The following NRG3 variants were observed in gnomAD, a reference collection of about 807,000 sequenced individuals.
The protein encoded by NRG3 is pro-neuregulin-3, membrane-bound isoform.
A neutral mutation model predicts 66.9 loss-of-function variants in NRG3; 31 were observed. That is an observed-to-expected ratio of 0.46 (90% CI 0.35 to 0.63). The LOEUF (loss-of-function observed/expected upper bound fraction) is 0.63. NRG3 is among the 20% of genes least tolerant of loss of function. NRG3 has a pLI of 0.00. For synonymous variants in NRG3, 393 were observed against 359.4 expected, an observed-to-expected ratio of 1.09 and a Z score of -1.06; for missense variants, 910 against 878.9, an observed-to-expected ratio of 1.04 and a Z score of -0.45.
At chr10:82,549,358 A>G (rs1006105978) in intron 2 of NRG3, among the ~76,000 whole-genome samples, 1 of 152,162 alleles carries the variant, frequency 6.6e-6, no homozygotes, top group African/African-American at 2.4e-5. Flanking sequence ...CCATACTTAC[A>G]GAGTTGAAGT....
chr10:82,153,200 C>T (rs1204539839), intron 1 of NRG3, among the ~76,000 whole-genome samples: 1 of 151,996 alleles, frequency 6.6e-6, no homozygotes, highest in African/African-American at 2.4e-5. Context: ...AACATTGCAC[C>T]TTTCCCCATT....
At chr10:81,882,548 C>A (rs1397981325) in intron 1 of NRG3, among the ~76,000 whole-genome samples, 1 of 152,104 alleles carries the variant, frequency 6.6e-6, no homozygotes, top group Non-Finnish European at 1.5e-5. Context: ...AGTTTAACTT[C>A]CTCCCCTGGT....
intron 3 of NRG3, among the ~76,000 whole-genome samples, chr10:82,764,807 T>A (rs1277279004): frequency 6.6e-6 from 1 of 152,128 alleles, no homozygotes; most frequent in African/African-American, 2.4e-5. Flanking sequence ...ACTGTATGAT[T>A]AAAACTATGA....
At chr10:82,542,334 AAAG>A (rs1400135539) in intron 2 of NRG3, among the ~76,000 whole-genome samples, 1 of 152,248 alleles carries the variant, frequency 6.6e-6, no homozygotes, top group East Asian at 1.9e-4. Context: ...GTCAAAAAGA[AAAG>A]AAATGATCAA....
chr10:82,105,578 T>G (rs2067008679), intron 1 of NRG3, among the ~76,000 whole-genome samples: 1 of 152,062 alleles, frequency 6.6e-6, no homozygotes, highest in Non-Finnish European at 1.5e-5. Context: ...TTGTTATTTG[T>G]ATTGTGTTTG....
intron 1 of NRG3, among the ~76,000 whole-genome samples, chr10:82,105,887 C>T (rs2067029922): frequency 2.0e-5 from 3 of 152,184 alleles, no homozygotes; most frequent in Non-Finnish European, 4.4e-5. Flanking sequence ...AAATCCAAGA[C>T]ACACTGCTCG....
chr10:82,933,762 GA>G (rs2132188266), intron 4 of NRG3, among the ~76,000 whole-genome samples: 1 of 152,236 alleles, frequency 6.6e-6, no homozygotes, highest in Non-Finnish European at 1.5e-5. Context: ...TTTTGTGTTG[GA>G]AAGGAGATAT....
At chr10:82,642,505 C>G (rs1011897505) in intron 2 of NRG3, among the ~76,000 whole-genome samples, 7 of 151,766 alleles carry the variant, frequency 4.6e-5, no homozygotes, top group Non-Finnish European at 8.8e-5. Flanking sequence ...GGTCAAACTT[C>G]TAGATCCAAC....
At chr10:82,959,648 G>A (rs1308907743) in intron 6 of NRG3, among the ~76,000 whole-genome samples, 2 of 152,158 alleles carry the variant, frequency 1.3e-5, no homozygotes, top group Non-Finnish European at 1.5e-5. Flanking sequence ...GAACATGCAG[G>A]AAGAATAAAG....
intron 2 of NRG3, among the ~76,000 whole-genome samples, chr10:82,478,219 G>A (rs1477721306): frequency 7.7e-6 from 1 of 129,288 alleles, no homozygotes; most frequent in Non-Finnish European, 1.7e-5. Flanking sequence ...CTGAGTGTTG[G>A]CTTGTGTCAC....
intron 2 of NRG3, among the ~76,000 whole-genome samples, chr10:82,723,406 ATC>A (rs760098913): frequency 6.6e-6 from 1 of 152,228 alleles, no homozygotes; most frequent in African/African-American, 2.4e-5. Context: ...GAACCCCAGA[ATC>A]TCAGCATCAT....
intron 3 of NRG3, among the ~76,000 whole-genome samples, chr10:82,744,169 A>G (rs1481077542): frequency 6.6e-6 from 1 of 152,200 alleles, no homozygotes; most frequent in Non-Finnish European, 1.5e-5. Flanking sequence ...TCACTCATTC[A>G]TTCATTTCCC....
intron 3 of NRG3, among the ~76,000 whole-genome samples, chr10:82,749,013 T>C (rs2058753319): frequency 1.3e-5 from 2 of 152,156 alleles, no homozygotes; most frequent in African/African-American, 4.8e-5. Context: ...TTATTTTTGA[T>C]GCAACTTTTC....
At chr10:82,700,829 G>A (rs1027347263) in intron 2 of NRG3, among the ~76,000 whole-genome samples, 1 of 152,008 alleles carries the variant, frequency 6.6e-6, no homozygotes, top group Non-Finnish European at 1.5e-5. Context: ...TAAATAATTG[G>A]CCAATTAAAT....
At chr10:82,556,267 C>T (rs1332590937) in intron 2 of NRG3, among the ~76,000 whole-genome samples, 1 of 152,120 alleles carries the variant, frequency 6.6e-6, no homozygotes, top group Non-Finnish European at 1.5e-5. Flanking sequence ...TTCTACTGCC[C>T]TCTCCTATGT....
chr10:82,495,397 T>A (rs559654543), intron 2 of NRG3, among the ~76,000 whole-genome samples: 1 of 152,294 alleles, frequency 6.6e-6, no homozygotes, highest in Non-Finnish European at 1.5e-5. Flanking sequence ...GATCTTACAG[T>A]TCAGCAAACA....
chr10:82,325,450 A>G (rs1017046985), intron 1 of NRG3, among the ~76,000 whole-genome samples: 10 of 152,046 alleles, frequency 6.6e-5, no homozygotes, highest in African/African-American at 2.2e-4. Flanking sequence ...TATAAAGTCT[A>G]CTTGGTCTGA....
chr10:82,044,538 C>T (rs1457990426), intron 1 of NRG3, among the ~76,000 whole-genome samples: 1 of 151,898 alleles, frequency 6.6e-6, no homozygotes, highest in Admixed American at 6.6e-5. Flanking sequence ...AGTGTTTTTC[C>T]CCCATTAACA....
intron 2 of NRG3, among the ~76,000 whole-genome samples, chr10:82,375,384 A>G (rs1423068066): frequency 1.3e-5 from 2 of 152,020 alleles, no homozygotes; most frequent in African/African-American, 4.8e-5. Context: ...AAAAATACAA[A>G]AAATTAACCG....
Sources: allele counts gnomAD v4.1 joint callset (sites outside exome capture counted in the v4.1 genomes callset), GRCh38; gene constraint gnomAD v4.1.1; transcripts MANE v1.5; gene names NCBI Gene and HGNC (gene_info 2026-07-23, HGNC 2026-07-21).